The following RAB11FIP3 variants were observed in gnomAD, a reference collection of about 807,000 sequenced individuals.
The protein encoded by RAB11FIP3 is rab11 family-interacting protein 3.
A neutral mutation model predicts 77.8 loss-of-function variants in RAB11FIP3; 17 were observed. The observed-to-expected ratio is 0.22, with a 90% CI of 0.15 to 0.33. The LOEUF (loss-of-function observed/expected upper bound fraction) is 0.33, where lower values mean the gene tolerates loss of function less well. Ranked by LOEUF, RAB11FIP3 falls within the 10% of genes least tolerant of loss-of-function variation. RAB11FIP3 has a pLI of 1.00. For missense variants in RAB11FIP3, 1,005 were observed against 1,011.2 expected, an observed-to-expected ratio of 0.99 and a Z score of 0.08; for synonymous variants, 437 against 448.2, an observed-to-expected ratio of 0.98 and a Z score of 0.31.
At chr16:491,385 C>T in intron 5 of RAB11FIP3, 1 of 1,145,582 alleles carries the variant, frequency 8.7e-7, no homozygotes, top group Admixed American at 2.9e-5. Flanking sequence ...GGCAGCGGGA[C>T]TCTCCCTGGG....
At chr16:458,717 A>G (rs1268381088) in intron 1 of RAB11FIP3, among the ~76,000 whole-genome samples, 1 of 150,854 alleles carries the variant, frequency 6.6e-6, no homozygotes, top group Non-Finnish European at 1.5e-5. Flanking sequence ...CCTGTCCCTG[A>G]GCATTTTCAC....
At chr16:475,548 G>A (rs2055887050) in intron 3 of RAB11FIP3, among the ~76,000 whole-genome samples, 1 of 152,196 alleles carries the variant, frequency 6.6e-6, no homozygotes, top group African/African-American at 2.4e-5. Flanking sequence ...TGGCTGCCCT[G>A]GAAAACTCCA....
At chr16:436,331 ATCTCAATTTGTTG>A (rs1207201198) in intron 1 of RAB11FIP3, among the ~76,000 whole-genome samples, 1 of 151,980 alleles carries the variant, frequency 6.6e-6, no homozygotes, top group Non-Finnish European at 1.5e-5. Flanking sequence ...AAGAGATGGG[ATCTCAATTTGTTG>A]TCTAGGCTGG....
Position 461,503 on chromosome 16 carries a change from T to C in RAB11FIP3, c.808+6T>C. On this transcript the variant is annotated splice_donor_region_variant and intron_variant, in intron 2 of 13. Transcript: ENST00000262305. The surrounding 1 kb of genome is among the most constrained non-coding windows in gnomAD (Gnocchi z 4.5). The stretch of plus-strand genomic sequence containing the variant: ...CACAGCCATCAGAAACGGAGGTCAG[T>C]CATCCCCGCCATGAGCTCCCACCTC... The C allele has an allele frequency of 6.3e-7, 1 of 1,597,786 alleles. No homozygotes were observed. Among genetic ancestry groups the C allele is most frequent in the Non-Finnish European group, 8.5e-7 (1 of 1,170,468 alleles).
intron 1 of RAB11FIP3, among the ~76,000 whole-genome samples, chr16:445,763 C>T (rs2055305633): frequency 6.6e-6 from 1 of 152,064 alleles, no homozygotes; most frequent in South Asian, 2.1e-4. Flanking sequence ...CATTTCTCCC[C>T]ATCTGTGCTC....
At chr16:436,967 C>T (rs2055140073) in intron 1 of RAB11FIP3, among the ~76,000 whole-genome samples, 1 of 151,956 alleles carries the variant, frequency 6.6e-6, no homozygotes, top group Non-Finnish European at 1.5e-5. Flanking sequence ...AGTTAATAAT[C>T]TGTTTTTCCT....
At chr16:441,625 G>C (rs979297692) in intron 1 of RAB11FIP3, among the ~76,000 whole-genome samples, 1 of 152,214 alleles carries the variant, frequency 6.6e-6, no homozygotes, top group African/African-American at 2.4e-5. Flanking sequence ...ACAGGGACTA[G>C]CCTGGAGTTG....
intron 3 of RAB11FIP3, among the ~76,000 whole-genome samples, chr16:478,949 A>G (rs560022184): frequency 9.8e-5 from 15 of 152,294 alleles, no homozygotes; most frequent in African/African-American, 3.4e-4. Flanking sequence ...TGGGTGACAG[A>G]GTGAGACCCT....
At chr16:513,243 T>C (rs1302530174) in intron 9 of RAB11FIP3, among the ~76,000 whole-genome samples, 1 of 152,016 alleles carries the variant, frequency 6.6e-6, no homozygotes, top group Non-Finnish European at 1.5e-5. Flanking sequence ...TGTTTTGAGA[T>C]GGGGTCTTGC....
rs568182289 is a variant in RAB11FIP3 at position 520,012 on chromosome 16, G to A, written c.1861-110G>A. 103 of 1,520,012 alleles carry A rather than the reference G, an allele frequency of 6.8e-5. 1 individual carries two copies. The East Asian group carries it at 7.2e-4, about 11-fold the overall frequency. 94.2% of individuals were successfully genotyped at this position (1,520,012 alleles called of 1,614,324 possible). The stretch of plus-strand genomic sequence containing the variant: ...TTGGGCATAGCCGCTGGTGTGTGTC[G>A]TCCTCCCGAGAGACGGCCAGATCAA... On this transcript the variant is annotated intron_variant, in intron 11 of 13. Coordinates refer to ENST00000262305, the MANE Select transcript of RAB11FIP3 (RefSeq NM_014700.4).
At chr16:492,411 CCGCCCAGGG>C (rs2030487458) in intron 5 of RAB11FIP3, among the ~76,000 whole-genome samples, 1 of 142,820 alleles carries the variant, frequency 7.0e-6, no homozygotes, top group East Asian at 2.0e-4. Flanking sequence ...AGACCCGAGG[CCGCCCAGGG>C]CCCTCCCCGG....
Position 426,737 on chromosome 16 carries a change from G to A in RAB11FIP3, c.714+17G>A. On this transcript the variant is annotated intron_variant, in intron 1 of 13. Transcript: ENST00000262305. This position sits in a 1 kb window ranked among gnomAD's most constrained non-coding sequence, Gnocchi z 5.0. ...GCAGAGCAGGTACGGAGCGGCCCGG[G>A]CCGGGGCGTGGGAACTGGGCAGGTG... 1 of 1,467,336 alleles carries A rather than the reference G, an allele frequency of 6.8e-7. No homozygotes were observed. The highest frequency in any genetic ancestry group is 2.6e-5 in the East Asian group (1 of 38,930). 90.9% of individuals were successfully genotyped at this position (1,467,336 alleles called of 1,614,324 possible). A position where few individuals can be genotyped will look rare whatever the true frequency, so the allele number is the denominator to read the frequency against.
chr16:493,118 G>T (rs1398690891), intron 5 of RAB11FIP3, among the ~76,000 whole-genome samples: 1 of 152,056 alleles, frequency 6.6e-6, no homozygotes, highest in Non-Finnish European at 1.5e-5. Context: ...AGGCATGGTG[G>T]CACATGCCTG....
At chr16:489,902 G>A (rs149216333) in intron 5 of RAB11FIP3, among the ~76,000 whole-genome samples, 7 of 152,332 alleles carry the variant, frequency 4.6e-5, no homozygotes, top group East Asian at 1.9e-4. Flanking sequence ...CTCTGGTCCC[G>A]GCGAGCGTCC....
intron 2 of RAB11FIP3, among the ~76,000 whole-genome samples, chr16:465,497 A>G (rs962744306): frequency 2.6e-5 from 4 of 152,190 alleles, no homozygotes; most frequent in Admixed American, 2.0e-4. Context: ...AAAATGGGGC[A>G]GGGTGCAGTG....
intron 1 of RAB11FIP3, among the ~76,000 whole-genome samples, chr16:444,414 G>T (rs1014129651): frequency 3.9e-5 from 6 of 152,174 alleles, no homozygotes; most frequent in African/African-American, 1.4e-4. Context: ...TTTCTCTACT[G>T]TTGGATGATC....
intron 4 of RAB11FIP3, among the ~76,000 whole-genome samples, chr16:485,633 G>A (rs769258367): frequency 6.6e-6 from 1 of 152,150 alleles, no homozygotes. Flanking sequence ...GGCTGGTCTC[G>A]AACTCCTGAC....
In RAB11FIP3 at chr16:467,614, G is replaced by C. The variant is rs1342677137; in HGVS notation, c.809-3681G>C. ...GGCCTCAGGGAGGAGGTGCTGGGGCGTCAGGGAGGAGGTGCTGGGGCCTCA... is the reference window on the plus strand; with the variant it reads ...GGCCTCAGGGAGGAGGTGCTGGGGCCTCAGGGAGGAGGTGCTGGGGCCTCA... On this transcript the variant is annotated intron_variant, in intron 2 of 13. Transcript: ENST00000262305. Among the ~76,000 whole-genome samples, 161 of 108,176 alleles carry C rather than the reference G, an allele frequency of 1.5e-3. 1 individual carries two copies. Among genetic ancestry groups the C allele is most frequent in the East Asian group, 5.3e-3 (16 of 3,042 alleles). The allele number at this position is 108,176 out of a possible 152,430, so 71.0% of individuals were successfully genotyped here.
chr16:430,699 C>G (rs117564143), intron 1 of RAB11FIP3, among the ~76,000 whole-genome samples: 1 of 152,246 alleles, frequency 6.6e-6, no homozygotes, highest in Non-Finnish European at 1.5e-5. Context: ...GGACTATAGG[C>G]AGGCATGACC....
Sources: gnomAD v4.1 joint callset for allele counts (sites outside exome capture counted in the v4.1 genomes callset) on GRCh38, gnomAD v4.1.1 for gene constraint, Gnocchi (gnomAD v3.1) non-coding constraint, MANE v1.5 for transcripts, NCBI Gene and HGNC (gene_info 2026-07-23, HGNC 2026-07-21) for gene names.